The following RYR2 variants were observed in gnomAD, a reference collection of about 807,000 sequenced individuals.
The protein encoded by RYR2 is ryanodine receptor 2.
In RYR2, 227 loss-of-function variants were observed where a neutral mutation model predicts 601.1. The observed-to-expected ratio is 0.38, with a 90% confidence interval of 0.34 to 0.42. The LOEUF is 0.42. Ranked by LOEUF, RYR2 falls within the 10% of genes least tolerant of loss-of-function variation. The pLI is 1.00. For missense variants in RYR2, 4,646 were observed against 6,156.5 expected (o/e 0.75, Z 8.21); for synonymous variants, 2,223 against 2,175.1 (o/e 1.02, Z -0.61).
At position 237,610,978 on chromosome 1, in the gene RYR2, G is replaced by A; in HGVS notation, c.4900G>A (p.Glu1634Lys). 6.2e-7 allele frequency: 1 copy of A among 1,611,994 alleles called. No homozygotes were observed. The highest frequency in any genetic ancestry group is 1.3e-5 in the African/African-American group (1 of 75,006). Reference sequence around the variant, plus strand: ...GCAGTTCATGTCTCTTCATATCCCTGAGGAAAACAGGTCAGCCCCAGTGAA... The same window carrying A: ...GCAGTTCATGTCTCTTCATATCCCTAAGGAAAACAGGTCAGCCCCAGTGAA... Reference protein sequence around the residue: ...PLQFMSLHIPEENRSVDILEL... With the variant: ...PLQFMSLHIPKENRSVDILEL... The change falls in exon 36 of 105, where the codon GAG (glutamate) becomes AAG (lysine). Residue 1634 changes from glutamate (E) to lysine (K), a missense_variant. Transcript: ENST00000366574. This position sits in a 1 kb window ranked among gnomAD's most constrained non-coding sequence, Gnocchi z 4.9.
At chr1:237,585,561 C>A (rs1197748499) in intron 29 of RYR2, among the ~76,000 whole-genome samples, 1 of 152,120 alleles carries the variant, frequency 6.6e-6, no homozygotes, top group African/African-American at 2.4e-5. Flanking sequence ...TTCTTTGATC[C>A]CATTGCCACA....
chr1:237,457,654 G>A (rs11588591), intron 16 of RYR2, among the ~76,000 whole-genome samples: 81,861 of 151,908 alleles, frequency 0.54, 22,285 homozygotes, highest in East Asian at 0.69. Flanking sequence ...TAGTTACACT[G>A]GACAGAAAGC....
At chr1:237,773,450 C>A in intron 86 of RYR2, 70 bp from the exon 87 acceptor site, 1 of 1,137,248 alleles carries the variant, frequency 8.8e-7, no homozygotes, top group Non-Finnish European at 1.3e-6. Context: ...GCATAAAGTC[C>A]AAGACTGGTT....
intron 25 of RYR2, among the ~76,000 whole-genome samples, chr1:237,545,554 G>A (rs1669708792): frequency 6.6e-6 from 1 of 152,124 alleles, no homozygotes; most frequent in Non-Finnish European, 1.5e-5. Flanking sequence ...ATTGTGTGCT[G>A]GCTTGTGCTG....
At chr1:237,452,900 CAA>C (rs907569719) in intron 14 of RYR2, among the ~76,000 whole-genome samples, 1 of 151,862 alleles carries the variant, frequency 6.6e-6, no homozygotes, top group African/African-American at 2.4e-5. Flanking sequence ...TTTCTTCTGA[CAA>C]GAGACTTCTC....
intron 80 of RYR2, among the ~76,000 whole-genome samples, chr1:237,752,472 A>G (rs987796263): frequency 1.3e-5 from 2 of 152,232 alleles, no homozygotes; most frequent in Middle Eastern, 3.4e-3. Context: ...TAAAAAAAAA[A>G]AAAAGAAAAT....
intron 2 of RYR2, among the ~76,000 whole-genome samples, chr1:237,308,885 G>T (rs554565386): frequency 6.6e-6 from 1 of 152,310 alleles, no homozygotes; most frequent in East Asian, 1.9e-4. Flanking sequence ...AGAGCTGATT[G>T]GTCTGTCTTA....
chr1:237,566,536 T>C, intron 27 of RYR2, 31 bp from the exon 28 acceptor site: 1 of 1,601,416 alleles, frequency 6.2e-7, no homozygotes, highest in African/African-American at 1.3e-5. Context: ...CCCCATCCAA[T>C]GACCACCAGA....
chr1:237,144,684 T>C (rs1673787942), intron 1 of RYR2, among the ~76,000 whole-genome samples: 1 of 152,214 alleles, frequency 6.6e-6, no homozygotes, highest in Non-Finnish European at 1.5e-5. Flanking sequence ...AACCTCTTAT[T>C]TTTAATTTTT....
At chr1:237,617,877 C>T (rs1313180948) in intron 38 of RYR2, among the ~76,000 whole-genome samples, 1 of 152,162 alleles carries the variant, frequency 6.6e-6, no homozygotes, top group Non-Finnish European at 1.5e-5. Flanking sequence ...GTCTCTTCCA[C>T]CTTGCTTGCC....
At chr1:237,559,315 T>C (rs959804371) in intron 27 of RYR2, among the ~76,000 whole-genome samples, 1 of 152,156 alleles carries the variant, frequency 6.6e-6, no homozygotes, top group Non-Finnish European at 1.5e-5. Flanking sequence ...TTCTATGGCA[T>C]ATTGAAAACC....
intron 29 of RYR2, among the ~76,000 whole-genome samples, chr1:237,578,356 G>A (rs1673498886): frequency 1.3e-5 from 2 of 152,108 alleles, no homozygotes; most frequent in South Asian, 2.1e-4. Flanking sequence ...TATGAGCAGG[G>A]TGCTTTGTAT....
At chr1:237,757,648 T>G (rs751350061) in intron 81 of RYR2, 49 bp from the exon 82 acceptor site, 1 of 1,194,890 alleles carries the variant, frequency 8.4e-7, no homozygotes, top group Admixed American at 1.7e-5. Context: ...AATAGGTTAA[T>G]ATAGAAGGCG....
chr1:237,251,062 G>A (rs1329321873), intron 1 of RYR2, among the ~76,000 whole-genome samples: 35 of 76,578 alleles, frequency 4.6e-4, no homozygotes, highest in Admixed American at 4.5e-3. Context: ...GTGTGTGTGT[G>A]TATGCATATA....
intron 29 of RYR2, among the ~76,000 whole-genome samples, chr1:237,582,222 C>G (rs1673989090): frequency 6.6e-6 from 1 of 151,992 alleles, no homozygotes; most frequent in African/African-American, 2.4e-5. Context: ...CCTGCTTCAG[C>G]TTCCTGAGTA....
chr1:237,806,113 T>C (rs1660608053), intron 98 of RYR2, 24 bp from the exon 99 acceptor site: 2 of 1,609,180 alleles, frequency 1.2e-6, no homozygotes, highest in African/African-American at 2.7e-5. Context: ...TGACATGTTC[T>C]TTCCCCCCGT....
At chr1:237,361,542 AT>A (rs1490834248) in intron 4 of RYR2, among the ~76,000 whole-genome samples, 3 of 152,168 alleles carry the variant, frequency 2.0e-5, no homozygotes, top group Admixed American at 2.0e-4. Flanking sequence ...AAATTGTTGC[AT>A]TTGATAATCC....
intron 1 of RYR2, among the ~76,000 whole-genome samples, chr1:237,050,494 T>C (rs1229345458): frequency 6.6e-6 from 1 of 152,240 alleles, no homozygotes; most frequent in East Asian, 1.9e-4. Flanking sequence ...CAATTCAATG[T>C]GGCCAATTTG....
chr1:237,630,410 T>A (rs191159011), intron 41 of RYR2, among the ~76,000 whole-genome samples: 53 of 152,144 alleles, frequency 3.5e-4, no homozygotes, highest in Non-Finnish European at 6.3e-4. Flanking sequence ...GGGCATCAAG[T>A]TTTTTTTCTG....
Sources: allele counts gnomAD v4.1 joint callset (sites outside exome capture counted in the v4.1 genomes callset), GRCh38; gene constraint gnomAD v4.1.1; non-coding constraint Gnocchi (gnomAD v3.1); transcripts MANE v1.5; gene names NCBI Gene and HGNC (gene_info 2026-07-23, HGNC 2026-07-21).